The following LAMA2 variants were observed in gnomAD, a reference collection of about 807,000 sequenced individuals.
LAMA2 encodes laminin subunit alpha-2.
In LAMA2, 269 loss-of-function variants were observed where a neutral mutation model predicts 364.8. The observed-to-expected ratio is 0.74, with a 90% CI of 0.67 to 0.82. The LOEUF (loss-of-function observed/expected upper bound fraction) is 0.82. Among genes scored for constraint, LAMA2 ranks in the 40% least tolerant of loss-of-function variants. The pLI, the probability that LAMA2 is intolerant of heterozygous loss-of-function variation, is 0.00. For missense variants in LAMA2, 3,807 were observed against 3,873.2 expected, an observed-to-expected ratio of 0.98 and a Z score of 0.45; for synonymous variants, 1,379 against 1,370.6, an observed-to-expected ratio of 1.01 and a Z score of -0.14.
intron 1 of LAMA2, among the ~76,000 whole-genome samples, chr6:129,035,437 T>G (rs1379116550): frequency 6.6e-6 from 1 of 151,916 alleles, no homozygotes; most frequent in Non-Finnish European, 1.5e-5. Context: ...TTAGCAAATA[T>G]TTTCTGTCAT....
At chr6:129,010,934 C>G (rs529953148) in intron 1 of LAMA2, among the ~76,000 whole-genome samples, 1 of 152,200 alleles carries the variant, frequency 6.6e-6, no homozygotes, top group East Asian at 1.9e-4. Context: ...TATATATTCG[C>G]GTGTTCACTT....
rs200097756 is a variant in LAMA2, at chr6:129,165,670, G to A, written c.1301G>A (p.Arg434Gln). 1.6e-5 allele frequency: 25 copies of A among 1,596,378 alleles called. No homozygotes were observed. The highest frequency in any genetic ancestry group is 3.3e-5 in the Admixed American group (2 of 59,786). Residue 434 changes from arginine to glutamine, a missense_variant, in exon 9 of 65, where the codon CGA becomes CAA. Physicochemically the swap from Arg to Gln is conservative, Grantham distance 43. Coordinates refer to ENST00000421865, the MANE Select transcript of LAMA2 (RefSeq NM_000426.4). ...EVCVKDEKHA[R>Q]RGLAPGSCHC... The stretch of plus-strand genomic sequence containing the variant: ...TGTGTCAAGGATGAGAAACATGCTC[G>A]ACGAGGTGAGAGCTGCAGCAGAATG...
chr6:128,975,327 G>A (rs1210692217), intron 1 of LAMA2, among the ~76,000 whole-genome samples: 1 of 152,128 alleles, frequency 6.6e-6, no homozygotes, highest in Non-Finnish European at 1.5e-5. Context: ...AGATGAGCAG[G>A]AGAATTTCAG....
chr6:129,264,693 G>A (rs1389261208), intron 15 of LAMA2, among the ~76,000 whole-genome samples: 1 of 152,142 alleles, frequency 6.6e-6, no homozygotes, highest in Non-Finnish European at 1.5e-5. Flanking sequence ...AATTTGGGAA[G>A]TGTGATGTCA....
intron 22 of LAMA2, among the ~76,000 whole-genome samples, chr6:129,306,399 G>A (rs1295629270): frequency 7.2e-6 from 1 of 139,478 alleles, no homozygotes; most frequent in South Asian, 2.2e-4. Context: ...CTAAATACTG[G>A]TTTGCAGCAA....
rs1191584538 is a variant in LAMA2 at position 129,251,048 on chromosome 6, C to CTT, written c.1884+836_1884+837insTT. Among the ~76,000 whole-genome samples the CTT allele has an allele frequency of 2.7e-3, 167 of 62,878 alleles. 1 individual carries two copies. Among genetic ancestry groups the CTT allele is most frequent in the African/African-American group, 9.2e-3 (161 of 17,488 alleles). 41.3% of individuals were successfully genotyped at this position (62,878 alleles called of 152,430 possible). On this transcript the variant is annotated intron_variant, in intron 13 of 64. Coordinates refer to ENST00000421865, the MANE Select transcript of LAMA2 (RefSeq NM_000426.4). ...TCTCTCTGTCTCTCTCTTTCTCTCT[C>CTT]TCTCTCTCTCTCTCTCTCTCTCTCT...
intron 41 of LAMA2, among the ~76,000 whole-genome samples, chr6:129,437,825 A>T (rs189392223): frequency 6.6e-6 from 1 of 152,012 alleles, no homozygotes; most frequent in East Asian, 1.9e-4. Context: ...AACAGATTGG[A>T]TCTTTATTTT....
At chr6:129,019,111 C>T (rs1785256869) in intron 1 of LAMA2, among the ~76,000 whole-genome samples, 1 of 152,122 alleles carries the variant, frequency 6.6e-6, no homozygotes, top group South Asian at 2.1e-4. Context: ...CAGGGATCCA[C>T]ACCTTCCTCT....
At chr6:129,417,638 C>T (rs949707554) in intron 40 of LAMA2, among the ~76,000 whole-genome samples, 1 of 152,080 alleles carries the variant, frequency 6.6e-6, no homozygotes, top group Admixed American at 6.5e-5. Context: ...CCACCACCAA[C>T]CTGCCATCCA....
chr6:129,465,373 G>A (rs902669110), intron 51 of LAMA2, 84 bp downstream of exon 51: 31 of 1,206,960 alleles, frequency 2.6e-5, no homozygotes, highest in Admixed American at 6.8e-5. Context: ...GGAAGGCTCC[G>A]TCTATAATTT....
intron 1 of LAMA2, among the ~76,000 whole-genome samples, chr6:129,007,181 A>C (rs182317253): frequency 2.0e-5 from 3 of 152,178 alleles, no homozygotes; most frequent in Non-Finnish European, 2.9e-5. Context: ...CTACATTGGC[A>C]GAGCAATGTT....
intron 12 of LAMA2, among the ~76,000 whole-genome samples, chr6:129,200,325 CAT>C (rs1358450982): frequency 7.0e-6 from 1 of 143,744 alleles, no homozygotes; most frequent in Non-Finnish European, 1.5e-5. Context: ...TACGTGTACA[CAT>C]ATACATATAC....
intron 19 of LAMA2, 144 bp from the exon 20 acceptor site, chr6:129,291,470 C>T: frequency 1.4e-6 from 1 of 694,870 alleles, no homozygotes; most frequent in Non-Finnish European, 2.6e-6. Flanking sequence ...GATAGAATGC[C>T]TAACAGGGCA....
chr6:129,164,610 A>G (rs1004956053), intron 8 of LAMA2, among the ~76,000 whole-genome samples: 17 of 152,212 alleles, frequency 1.1e-4, no homozygotes, highest in African/African-American at 4.1e-4. Context: ...GATTAGTGGA[A>G]AACTCCAGGT....
chr6:128,915,435 T>G (rs1478120202), intron 1 of LAMA2, among the ~76,000 whole-genome samples: 2 of 152,186 alleles, frequency 1.3e-5, no homozygotes, highest in Non-Finnish European at 2.9e-5. Flanking sequence ...TCTGATTCTC[T>G]TAGTATTTTG....
intron 56 of LAMA2, among the ~76,000 whole-genome samples, chr6:129,489,808 C>T (rs1001178699): frequency 1.1e-4 from 16 of 151,982 alleles, no homozygotes; most frequent in African/African-American, 2.2e-4. Flanking sequence ...TCTTCTTCCA[C>T]GTATGCAATC....
chr6:129,354,553 A>C (rs898527956), intron 32 of LAMA2, among the ~76,000 whole-genome samples: 2 of 144,164 alleles, frequency 1.4e-5, no homozygotes, highest in Non-Finnish European at 3.2e-5. Flanking sequence ...TTTCAAGTCA[A>C]ATAAATTATT....
chr6:128,987,319 T>C (rs1465490730), intron 1 of LAMA2, among the ~76,000 whole-genome samples: 1 of 151,930 alleles, frequency 6.6e-6, no homozygotes, highest in Admixed American at 6.6e-5. Flanking sequence ...TTTTTTCGCA[T>C]TTTTGGTAGA....
chr6:128,984,449 G>T (rs879684169), intron 1 of LAMA2, among the ~76,000 whole-genome samples: 1 of 152,100 alleles, frequency 6.6e-6, no homozygotes, highest in East Asian at 1.9e-4. Context: ...GTATCCACAT[G>T]TGAACTCCCT....
Sources: allele counts gnomAD v4.1 joint callset (sites outside exome capture counted in the v4.1 genomes callset), GRCh38; gene constraint gnomAD v4.1.1; transcripts MANE v1.5; gene names NCBI Gene and HGNC (gene_info 2026-07-23, HGNC 2026-07-21).